Variants in PABPC4 observed in about 807,000 individuals in gnomAD.
PABPC4 encodes the protein poly(A) binding protein cytoplasmic 4, also known as polyadenylate-binding protein 4.
Under a neutral mutation model 74.5 loss-of-function variants are expected in PABPC4, and 15 were observed. That is an observed-to-expected ratio of 0.20 (90% CI 0.13 to 0.31). PABPC4 has a LOEUF of 0.31. Ranked by LOEUF, PABPC4 falls within the 10% of genes least tolerant of loss-of-function variation. The pLI, the probability that PABPC4 is intolerant of heterozygous loss-of-function variation, is 1.00. For missense variants in PABPC4, 610 were observed against 853.5 expected (o/e 0.71, Z 3.55); for synonymous variants, 345 against 303.0 (o/e 1.14, Z -1.44).
intron 14 of PABPC4, 52 bp downstream of exon 14, chr1:39,562,021 C>A: frequency 6.3e-7 from 1 of 1,591,906 alleles, no homozygotes; most frequent in Non-Finnish European, 8.6e-7. Flanking sequence ...AAGTTTGCCC[C>A]CAGTCTTCCC....
At chr1:39,566,950 A>G (rs530913706) in intron 7 of PABPC4, among the ~76,000 whole-genome samples, 1 of 152,320 alleles carries the variant, frequency 6.6e-6, no homozygotes, top group East Asian at 1.9e-4. Flanking sequence ...AAGTCCACTA[A>G]GAGCCAGGGC....
In PABPC4 at chr1:39,563,901, AAGCGGTCCG is replaced by A; in HGVS notation, c.1466_1474del (p.Pro489_Arg491del). 1 of 1,614,188 alleles carries A rather than the reference AAGCGGTCCG, an allele frequency of 6.2e-7. No individual in the cohort carries two copies. The highest frequency in any genetic ancestry group is 8.5e-7 in the Non-Finnish European group (1 of 1,180,026). On this transcript the variant is annotated inframe_deletion, in exon 11 of 16. Transcript: ENST00000372858. ...ACCAGCCCCACCAAAGTCCATAGCC[AAGCGGTCCG>A]GGCACTCAGACCCTACAACAGACCA...
intron 7 of PABPC4, 92 bp downstream of exon 7, chr1:39,567,658 CA>C: frequency 1.3e-6 from 1 of 754,596 alleles, no homozygotes; most frequent in Non-Finnish European, 2.4e-6. Context: ...CAGAAATGAA[CA>C]TAATTTAAAT....
chr1:39,569,798 C>T, intron 4 of PABPC4, 65 bp downstream of exon 4: 1 of 1,596,998 alleles, frequency 6.3e-7, no homozygotes, highest in East Asian at 2.2e-5. Flanking sequence ...GCAGTGCCCT[C>T]ATCTCTTAAG....
At chr1:39,563,066 G>A (rs912223365) in intron 12 of PABPC4, 1 of 154,952 alleles carries the variant, frequency 6.5e-6, no homozygotes, top group African/African-American at 2.4e-5. Context: ...TGGGCCTGAA[G>A]GCTTAGGGTG....
rs758128316 is a variant in PABPC4 at position 39,563,681 on chromosome 1, C to T, written c.1601G>A (p.Arg534Gln). The T allele has an allele frequency of 6.2e-6, 10 of 1,614,222 alleles. No individual in the cohort carries two copies. Among genetic ancestry groups the T allele is most frequent in the Middle Eastern group, 1.7e-4 (1 of 6,060 alleles). Residue 534 changes from arginine (R) to glutamine (Q), a missense_variant, in exon 12 of 16, where the codon CGG (arginine) becomes CAG (glutamine). Arg to Gln is a conservative substitution (Grantham distance 43). This residue lies in a region of PABPC4 where 277 missense variants were observed against 301.8 expected (regional missense o/e 0.92). Transcript: ENST00000372858. ...GGCGTATTTGTAGGGGGCAACAGCC[C>T]GGGGAGCAGCAGCAGCAACAGCAGC... The part of the protein sequence containing the change: ...PRAAVAAAAP[R>Q]AVAPYKYASS...
Position 39,572,528 on chromosome 1 carries a change from G to C in PABPC4, c.252C>G (p.Ile84Met), listed in dbSNP as rs750817855. 6 of 1,613,946 alleles carry C rather than the reference G, an allele frequency of 3.7e-6. No homozygotes were observed. Among genetic ancestry groups the C allele is most frequent in the Non-Finnish European group, 4.2e-6 (5 of 1,179,954 alleles). ...FDVIKGKPIR[I>M]MWSQRDPSLR... The stretch of plus-strand genomic sequence containing the variant: ...AAGAGGGATCCCTCTGAGACCACAT[G>C]ATGCGGATTGGCTTTCCCTTAATCA... Residue 84 changes from isoleucine to methionine, a missense_variant, in exon 2 of 16, where the codon ATC (isoleucine) becomes ATG (methionine). This residue lies in a region of PABPC4 where 304 missense variants were observed against 478.9 expected (regional missense o/e 0.63). Coordinates refer to ENST00000372858, the MANE Select transcript of PABPC4 (RefSeq NM_001135653.2).
At chr1:39,563,365 A>C (rs573770360) in intron 12 of PABPC4, 1 of 472,396 alleles carries the variant, frequency 2.1e-6, no homozygotes, top group Non-Finnish European at 3.8e-6. Context: ...TATTTCGTAC[A>C]AACAGAAGAG....
At chr1:39,561,941 TCA>T (rs1645774873) in intron 14 of PABPC4, 130 bp downstream of exon 14, 7 of 1,191,278 alleles carry the variant, frequency 5.9e-6, no homozygotes, top group Non-Finnish European at 8.4e-6. Context: ...CAGCCTCCAG[TCA>T]CAGTCAAGGC....
At position 39,562,172 on chromosome 1, in the gene PABPC4, C is replaced by A; in HGVS notation, c.1794G>T (p.Met598Ile). 1 of 1,614,148 alleles carries A rather than the reference C, an allele frequency of 6.2e-7. No homozygotes were observed. Residue 598 changes from methionine to isoleucine, a missense_variant, in exon 14 of 16, where the codon ATG becomes ATT. Transcript: ENST00000372858. ...TGATCTTCCCAGCCAGATTTGAATG[C>A]ATTGTTTGGATGAGTGGGAACAAGC... is the stretch of plus-strand genomic sequence containing the variant. ...GERLFPLIQT[M>I]HSNLAGKITG...
Position 39,572,488 on chromosome 1 carries a change from C to A in PABPC4, c.292G>T (p.Val98Leu), listed in dbSNP as rs779233482. Residue 98 changes from valine (V) to leucine (L), a missense_variant, in exon 2 of 16, where the codon GTG (valine) becomes TTG (leucine). By Grantham distance (32) the Val-to-Leu change is conservative (BLOSUM62 1). Transcript: ENST00000372858. ...AGGTTCTTGATGAAGACGTTTCCCACACCAGATTTTCTCAAAGAGGGATCC... is the reference window on the plus strand; with the variant it reads ...AGGTTCTTGATGAAGACGTTTCCCAAACCAGATTTTCTCAAAGAGGGATCC... ...QRDPSLRKSG[V>L]GNVFIKNLDK... 4 of 1,614,048 alleles carry A rather than the reference C, an allele frequency of 2.5e-6. No individual in the cohort carries two copies. The highest frequency in any genetic ancestry group is 3.4e-6 in the Non-Finnish European group (4 of 1,179,882).
intron 2 of PABPC4, among the ~76,000 whole-genome samples, chr1:39,571,974 G>A (rs1248428095): frequency 6.6e-6 from 1 of 152,234 alleles, no homozygotes; most frequent in East Asian, 1.9e-4. Context: ...TTTCAGTGTA[G>A]TATGGCATTA....
At chr1:39,561,225 C>T in intron 15 of PABPC4, 103 bp from the exon 16 acceptor site, 1 of 444,968 alleles carries the variant, frequency 2.2e-6, no homozygotes, top group South Asian at 1.6e-5. Context: ...AGTTTCTCAA[C>T]CTCAGTGCTA....
In PABPC4 at chr1:39,575,296, A is replaced by T. The variant is rs146137215; in HGVS notation, c.193+463T>A. Among the ~76,000 whole-genome samples the T allele has an allele frequency of 1.1e-3, 174 of 152,298 alleles. 1 individual carries two copies. Among genetic ancestry groups the T allele is most frequent in the Middle Eastern group, 0.01 (3 of 294 alleles). On this transcript the variant is annotated intron_variant, in intron 1 of 15. Transcript: ENST00000372858. ...CCCTGACTGATCCTTTATCAGCACAACATCAGGTAGTCAAGGTTAGTAAAG... is the reference window on the plus strand; with the variant it reads ...CCCTGACTGATCCTTTATCAGCACATCATCAGGTAGTCAAGGTTAGTAAAG...
At position 39,569,578 on chromosome 1, in the gene PABPC4, C is replaced by T. The variant is rs1202738681; in HGVS notation, c.738+17G>A. The T allele has an allele frequency of 1.9e-6, 3 of 1,601,490 alleles. No individual in the cohort carries two copies. The highest frequency in any genetic ancestry group is 2.2e-5 in the South Asian group (2 of 90,824). On this transcript the variant is annotated intron_variant, in intron 5 of 15. Coordinates refer to ENST00000372858, the MANE Select transcript of PABPC4 (RefSeq NM_001135653.2). The stretch of plus-strand genomic sequence containing the variant: ...CAACCTCTTAAAAGCTTTTCCCAAT[C>T]TTTGTGGTATACTCACCTTATTGGC...
chr1:39,573,323 T>C (rs1191428030), intron 1 of PABPC4: 1 of 152,202 alleles, frequency 6.6e-6, no homozygotes, highest in Non-Finnish European at 1.5e-5. Context: ...ATCACAAGGA[T>C]AAAACCACCA....
rs1303257223 is a variant in PABPC4 at position 39,575,668 on chromosome 1, T to C, written c.193+91A>G. The C allele has an allele frequency of 1.3e-5, 14 of 1,105,370 alleles. No individual in the cohort carries two copies. The Admixed American group carries it at 2.0e-4, about 16-fold the overall frequency. 68.5% of individuals were successfully genotyped at this position (1,105,370 alleles called of 1,614,324 possible). On this transcript the variant is annotated intron_variant, in intron 1 of 15. Transcript: ENST00000372858. ...CTTCGGTGGCAACATGCTGTCGTGA[T>C]GCCGCCCTCCTCGGCAGGAGGGCCC...
chr1:39,566,738 C>T (rs1339927916), intron 7 of PABPC4, among the ~76,000 whole-genome samples: 1 of 152,126 alleles, frequency 6.6e-6, no homozygotes, highest in African/African-American at 2.4e-5. Context: ...TATGGCTCTT[C>T]TGCTCTCTTA....
chr1:39,575,445 T>G (rs1646010160), intron 1 of PABPC4, among the ~76,000 whole-genome samples: 1 of 152,196 alleles, frequency 6.6e-6, no homozygotes, highest in Non-Finnish European at 1.5e-5. Flanking sequence ...CCAGCCCCAC[T>G]GACAAGGACC....
Sources: allele counts gnomAD v4.1 joint callset (sites outside exome capture counted in the v4.1 genomes callset), GRCh38; gene constraint gnomAD v4.1.1; regional missense constraint gnomAD v4.1.1; transcripts MANE v1.5; gene names NCBI Gene and HGNC (gene_info 2026-07-23, HGNC 2026-07-21).